Variants in SYT14 observed in about 807,000 individuals in gnomAD.
The protein encoded by SYT14 is synaptotagmin-14.
In SYT14, 32 loss-of-function variants were observed where a neutral mutation model predicts 74.2. The observed-to-expected ratio is 0.43, with a 90% confidence interval of 0.33 to 0.58. The LOEUF is 0.58. SYT14 is among the 20% of genes least tolerant of loss of function. The pLI is 0.05. For synonymous variants in SYT14, 298 were observed against 337.7 expected (o/e 0.88, Z 1.29); for missense variants, 791 against 981.8 (o/e 0.81, Z 2.60).
At chr1:209,970,103 A>G (rs1003527220) in intron 2 of SYT14, among the ~76,000 whole-genome samples, 3 of 151,928 alleles carry the variant, frequency 2.0e-5, no homozygotes, top group South Asian at 2.1e-4. Context: ...TTTTTGTTGC[A>G]TTTGCTTTGG....
chr1:209,943,942 A>C (rs559646533), intron 1 of SYT14, among the ~76,000 whole-genome samples: 7 of 152,206 alleles, frequency 4.6e-5, no homozygotes, highest in African/African-American at 1.7e-4. Flanking sequence ...TTTTTTTAGA[A>C]GGGGGAAATA....
intron 5 of SYT14, among the ~76,000 whole-genome samples, chr1:210,075,568 C>G (rs1253709815): frequency 1.3e-5 from 2 of 149,078 alleles, no homozygotes; most frequent in African/African-American, 2.4e-5. Context: ...CTCCTGACCT[C>G]GTGATCCGCC....
intron 2 of SYT14, among the ~76,000 whole-genome samples, chr1:209,962,807 G>A (rs568682038): frequency 6.6e-6 from 1 of 152,122 alleles, no homozygotes; most frequent in Non-Finnish European, 1.5e-5. Flanking sequence ...GAGAGCAAAT[G>A]GGTGATGAAG....
intron 4 of SYT14, among the ~76,000 whole-genome samples, chr1:210,017,692 A>T (rs1182389071): frequency 2.0e-5 from 3 of 152,190 alleles, no homozygotes. Context: ...TCTATGTAGA[A>T]TTAGGATTCT....
At chr1:209,982,797 A>G (rs1175771962) in intron 2 of SYT14, among the ~76,000 whole-genome samples, 2 of 152,228 alleles carry the variant, frequency 1.3e-5, no homozygotes, top group Non-Finnish European at 2.9e-5. Context: ...TCGCTGTGCC[A>G]TGTTGCATTT....
At chr1:210,088,352 C>T (rs995255579) in intron 5 of SYT14, among the ~76,000 whole-genome samples, 1 of 152,014 alleles carries the variant, frequency 6.6e-6, no homozygotes, top group African/African-American at 2.4e-5. Flanking sequence ...CTCCCCTAGC[C>T]TCCCACTTGC....
chr1:210,057,918 A>C (rs1030501138), intron 5 of SYT14, among the ~76,000 whole-genome samples: 7 of 152,174 alleles, frequency 4.6e-5, no homozygotes, highest in African/African-American at 1.7e-4. Flanking sequence ...AATATACAGA[A>C]CACATAAACT....
At chr1:210,145,132 A>G (rs1478794991) in intron 7 of SYT14, among the ~76,000 whole-genome samples, 3 of 152,214 alleles carry the variant, frequency 2.0e-5, no homozygotes, top group Non-Finnish European at 2.9e-5. Flanking sequence ...ACGTGTCTAG[A>G]TCAGTAAGAT....
intron 1 of SYT14, among the ~76,000 whole-genome samples, chr1:209,946,214 A>G (rs1375395796): frequency 6.6e-6 from 1 of 152,192 alleles, no homozygotes; most frequent in African/African-American, 2.4e-5. Flanking sequence ...AACCCTACAA[A>G]TGTTCAATGA....
intron 2 of SYT14, among the ~76,000 whole-genome samples, chr1:209,989,861 G>A (rs2079634031): frequency 6.6e-6 from 1 of 151,948 alleles, no homozygotes; most frequent in Non-Finnish European, 1.5e-5. Flanking sequence ...AGATGTCCAA[G>A]GCGTCGTTTT....
chr1:210,036,759 C>A (rs2080672785), intron 5 of SYT14, among the ~76,000 whole-genome samples: 1 of 152,000 alleles, frequency 6.6e-6, no homozygotes, highest in Admixed American at 6.6e-5. Flanking sequence ...GTTGAACTAT[C>A]CTTATATCCC....
exon 10 of SYT14, chr1:210,163,787 G>A (rs1170895436): frequency 1.1e-5 from 5 of 453,758 alleles, no homozygotes; most frequent in Non-Finnish European, 1.8e-5. Context: ...TCTAATGTAC[G>A]AGACAGTACT....
chr1:210,116,518 T>G (rs1376086050), intron 7 of SYT14, among the ~76,000 whole-genome samples: 1 of 152,122 alleles, frequency 6.6e-6, no homozygotes, highest in Non-Finnish European at 1.5e-5. Flanking sequence ...GGCTAATTTT[T>G]GTATTTTTGG....
At chr1:210,036,506 G>T (rs978396837) in intron 5 of SYT14, among the ~76,000 whole-genome samples, 2 of 151,986 alleles carry the variant, frequency 1.3e-5, no homozygotes, top group African/African-American at 2.4e-5. Context: ...TCCTTGTCTT[G>T]TTCCAGTTCT....
At chr1:209,952,621 T>A in intron 1 of SYT14, 88 bp from the exon 2 acceptor site, 1 of 1,166,382 alleles carries the variant, frequency 8.6e-7, no homozygotes, top group Non-Finnish European at 1.3e-6. Context: ...GAGGTCACTT[T>A]TAGGTGCTAA....
At chr1:210,100,130 T>A (rs1304949554) in exon 7 of SYT14, 1 of 1,614,100 alleles carries the variant, frequency 6.2e-7, no homozygotes, top group South Asian at 1.1e-5. Context: ...CAGAAGCTTC[T>A]GGTAACAGTG....
Position 210,045,703 on chromosome 1 carries a change from A to G in SYT14, c.1312+24449A>G, listed in dbSNP as rs559765624. Among the ~76,000 whole-genome samples, 218 of 152,316 alleles carry G rather than the reference A, an allele frequency of 1.4e-3. 1 individual carries two copies. The highest frequency in any genetic ancestry group is 4.9e-3 in the African/African-American group (202 of 41,590). On this transcript the variant is annotated intron_variant, in intron 5 of 9. Coordinates refer to ENST00000637265, the Ensembl canonical transcript of SYT14. ...TTTGGAGATATATTTATCAGAAGTA[A>G]ATAGGAGACTGTATAAAACCAAATG...
At chr1:210,021,385 T>C in intron 5 of SYT14, 131 bp downstream of exon 4, 1 of 941,848 alleles carries the variant, frequency 1.1e-6, no homozygotes, top group Non-Finnish European at 1.6e-6. Context: ...TTTCTGGGAA[T>C]GTAATTTATT....
intron 2 of SYT14, among the ~76,000 whole-genome samples, chr1:209,977,061 G>A (rs867700899): frequency 3.9e-5 from 6 of 152,106 alleles, no homozygotes; most frequent in Non-Finnish European, 5.9e-5. Context: ...TTTGCTTGGT[G>A]GATCTTCCTC....
Sources: gnomAD v4.1 joint callset for allele counts (sites outside exome capture counted in the v4.1 genomes callset) on GRCh38, gnomAD v4.1.1 for gene constraint, MANE v1.5 for transcripts, NCBI Gene and HGNC (gene_info 2026-07-23, HGNC 2026-07-21) for gene names.